Variants in PTBP1 observed in about 807,000 individuals in gnomAD.
PTBP1 encodes the protein polypyrimidine tract-binding protein 1.
A neutral mutation model predicts 59.8 loss-of-function variants in PTBP1; 8 were observed. The observed-to-expected ratio is 0.13, with a 90% CI of 0.08 to 0.24. The LOEUF is 0.24. Among genes scored for constraint, PTBP1 ranks in the 10% least tolerant of loss-of-function variants. The pLI is 1.00. For synonymous variants in PTBP1, 490 were observed against 320.7 expected, an observed-to-expected ratio of 1.53 and a Z score of -5.64; for missense variants, 686 against 767.0, an observed-to-expected ratio of 0.89 and a Z score of 1.25.
chr19:799,291 G>A, intron 1 of PTBP1, 122 bp from the exon 2 acceptor site: 2 of 890,304 alleles, frequency 2.2e-6, no homozygotes, highest in Non-Finnish European at 3.8e-6. Context: ...TGCAGCCAGA[G>A]GGAGCCCTGC....
chr19:809,539 G>A (rs1459585883), intron 13 of PTBP1, among the ~76,000 whole-genome samples: 1 of 150,834 alleles, frequency 6.6e-6, no homozygotes, highest in Non-Finnish European at 1.5e-5. Context: ...CCAGGATGGT[G>A]TCGATCTCCT....
chr19:810,646 G>A (rs377667651), intron 14 of PTBP1, 26 bp downstream of exon 14: 61 of 1,612,196 alleles, frequency 3.8e-5, no homozygotes, highest in Non-Finnish European at 1.1e-5. Context: ...GCTGTCCCTG[G>A]CTCTCCCCAG....
chr19:805,007 C>T lies in PTBP1; in HGVS notation c.718-6C>T, dbSNP rs2034498039. ...CGGCGACGTCTCACGGTCCCTCTCCCCTCAGTCGCTGGACGGGCAGAACAT... is the reference window on the plus strand; with the variant it reads ...CGGCGACGTCTCACGGTCCCTCTCCTCTCAGTCGCTGGACGGGCAGAACAT... On this transcript the variant is annotated splice_polypyrimidine_tract_variant and splice_region_variant and intron_variant, in intron 7 of 14. Transcript: ENST00000356948. 3 of 1,613,422 alleles carry T rather than the reference C, an allele frequency of 1.9e-6. No homozygotes were observed. The highest frequency in any genetic ancestry group is 8.5e-7 in the Non-Finnish European group (1 of 1,179,574).
At position 807,914 on chromosome 19, in the gene PTBP1, T is replaced by C; in HGVS notation, c.1153+12T>C. The stretch of plus-strand genomic sequence containing the variant: ...CTTTATTCTTTTCGGTATGTTATCG[T>C]TCACACTTTTATTACCTTGTTTTCA... On this transcript the variant is annotated intron_variant, in intron 11 of 14. Coordinates refer to ENST00000356948, the MANE Select transcript of PTBP1 (RefSeq NM_002819.5). 2.5e-6 allele frequency: 4 copies of C among 1,607,578 alleles called. No homozygotes were observed. The highest frequency in any genetic ancestry group is 3.4e-6 in the Non-Finnish European group (4 of 1,174,054).
Position 804,846 on chromosome 19 carries a change from C to T in PTBP1, c.624C>T (p.Gly208=), listed in dbSNP as rs767930749. The change falls in exon 7 of 15, where the codon GGC becomes GGT. Residue 208 remains glycine, a synonymous_variant. Coordinates refer to ENST00000356948, the MANE Select transcript of PTBP1 (RefSeq NM_002819.5). ...ACCTGCAGATTTTCTCCAAGTTCGG[C>T]ACAGTGTTGAAGATCATCACCTTCA... ...DVLHQIFSKF[G]TVLKIITFTK... 44 of 1,613,814 alleles carry T rather than the reference C, an allele frequency of 2.7e-5. No individual in the cohort carries two copies. The African/African-American group carries it at 5.9e-4, about 22-fold the overall frequency.
At chr19:803,460 T>C in intron 2 of PTBP1, 101 bp from the exon 3 acceptor site, 1 of 976,668 alleles carries the variant, frequency 1.0e-6, no homozygotes, top group Non-Finnish European at 1.6e-6. Context: ...GTTGGGGGTC[T>C]GGGACCCCAG....
In PTBP1 at chr19:811,998, A is replaced by C. The variant is rs1019592813; in HGVS notation, c.*1172A>C. The C allele has an allele frequency of 1.3e-5, 2 of 152,302 alleles. No homozygotes were observed. The highest frequency in any genetic ancestry group is 2.9e-5 in the Non-Finnish European group (2 of 68,010). 9.4% of individuals were successfully genotyped at this position (152,302 alleles called of 1,614,324 possible). ...TCTCCTAGGATCCCCTTTCCGTAAAAGCGTGTAACAAGGGTGTAAATATTT... is the reference window on the plus strand; with the variant it reads ...TCTCCTAGGATCCCCTTTCCGTAAACGCGTGTAACAAGGGTGTAAATATTT... On this transcript the variant is annotated 3_prime_UTR_variant, in exon 15 of 15. Transcript: ENST00000356948.
Position 811,310 on chromosome 19 carries a change from C to T in PTBP1, c.*484C>T, listed in dbSNP as rs1229239968. 2 of 152,728 alleles carry T rather than the reference C, an allele frequency of 1.3e-5. No homozygotes were observed. Among genetic ancestry groups the T allele is most frequent in the Non-Finnish European group, 2.9e-5 (2 of 68,370 alleles). 9.5% of individuals were successfully genotyped at this position (152,728 alleles called of 1,614,324 possible). ...GCGCGGCGGCCGCGGCTGCGACACC[C>T]CAACCCCAGCCCTCTAATCAAGTCA... is the stretch of plus-strand genomic sequence containing the variant. On this transcript the variant is annotated 3_prime_UTR_variant, in exon 15 of 15. Coordinates refer to ENST00000356948, the MANE Select transcript of PTBP1 (RefSeq NM_002819.5).
chr19:799,986 G>A (rs1188928728), intron 2 of PTBP1, among the ~76,000 whole-genome samples: 1 of 152,014 alleles, frequency 6.6e-6, no homozygotes, highest in African/African-American at 2.4e-5. Flanking sequence ...GAGTGCAGTG[G>A]TGTGATCTTG....
rs775074950 is a variant in PTBP1 at position 804,922 on chromosome 19, G to A, written c.700G>A (p.Ala234Thr). The change falls in exon 7 of 15, where the codon GCC (alanine) becomes ACC (threonine). Residue 234 changes from alanine to threonine, a missense_variant. Coordinates refer to ENST00000356948, the MANE Select transcript of PTBP1 (RefSeq NM_002819.5). ...ALLQYADPVS[A>T]QHAKLSLDGQ... Reference sequence around the variant, plus strand: ...GCTGCAGTATGCGGACCCCGTGAGCGCCCAGCACGCCAAGCTGGTGAGTGG... The same window carrying A: ...GCTGCAGTATGCGGACCCCGTGAGCACCCAGCACGCCAAGCTGGTGAGTGG... The A allele has an allele frequency of 3.7e-6, 6 of 1,613,772 alleles. No individual in the cohort carries two copies. The highest frequency in any genetic ancestry group is 4.2e-6 in the Non-Finnish European group (5 of 1,179,820).
rs896464573 is a variant in PTBP1, at chr19:812,111, C to G, written c.*1285C>G. 1 of 152,400 alleles carries G rather than the reference C, an allele frequency of 6.6e-6. No individual in the cohort carries two copies. Among genetic ancestry groups the G allele is most frequent in the Non-Finnish European group, 1.5e-5 (1 of 68,024 alleles). The allele number at this position is 152,400 out of a possible 1,614,324, so 9.4% of individuals were successfully genotyped here. On this transcript the variant is annotated 3_prime_UTR_variant, in exon 15 of 15. Coordinates refer to ENST00000356948, the MANE Select transcript of PTBP1 (RefSeq NM_002819.5). ...AATGTATATTTTGCTAACAGCAATTCCAGGCTCAGTATTGTGACCGCGGAG... is the reference window on the plus strand; with the variant it reads ...AATGTATATTTTGCTAACAGCAATTGCAGGCTCAGTATTGTGACCGCGGAG...
intron 9 of PTBP1, chr19:806,041 G>T: frequency 4.2e-6 from 1 of 240,226 alleles, no homozygotes; most frequent in African/African-American, 2.3e-5. Context: ...GCCGCCCGGC[G>T]GCCGCCTCGT....
Position 808,506 on chromosome 19 carries a change from C to T in PTBP1, c.1247-40C>T. 1.3e-6 allele frequency: 2 copies of T among 1,558,200 alleles called. No individual in the cohort carries two copies. Among genetic ancestry groups the T allele is most frequent in the South Asian group, 1.2e-5 (1 of 84,940 alleles). ...AGGGGGCAGGGGCGGGGGCTGCGTT[C>T]CCTCTCGGGCGCCTGGTCACGCGGG... On this transcript the variant is annotated intron_variant, in intron 12 of 14. Coordinates refer to ENST00000356948, the MANE Select transcript of PTBP1 (RefSeq NM_002819.5). The surrounding 1 kb of genome is among the most constrained non-coding windows in gnomAD (Gnocchi z 4.7).
chr19:803,977 A>AC, intron 3 of PTBP1, 59 bp from the exon 4 acceptor site: 1 of 1,594,982 alleles, frequency 6.3e-7, no homozygotes, highest in Non-Finnish European at 8.6e-7. Context: ...GATAGCAGGG[A>AC]CCTTCCTCTG....
At chr19:800,089 G>C (rs1401486676) in intron 2 of PTBP1, among the ~76,000 whole-genome samples, 1 of 131,686 alleles carries the variant, frequency 7.6e-6, no homozygotes, top group African/African-American at 2.9e-5. Context: ...ACCATGCCCA[G>C]CTAATTTTTG....
In PTBP1 at chr19:808,776, C is replaced by CGG. The variant is rs762501182; in HGVS notation, c.1463+19_1463+20dup. ...CTCCAACATCCCGTGAGTGCTGGGC[C>CGG]GGGGGGCTCATGGGGCCGGGGGCGG... On this transcript the variant is annotated intron_variant, in intron 13 of 14. Transcript: ENST00000356948. The surrounding 1 kb of genome is among the most constrained non-coding windows in gnomAD (Gnocchi z 4.7). The CGG allele has an allele frequency of 1.3e-6, 2 of 1,542,138 alleles. No homozygotes were observed. The highest frequency in any genetic ancestry group is 1.8e-6 in the Non-Finnish European group (2 of 1,123,260).
chr19:798,960 C>T (rs963206373), intron 1 of PTBP1, among the ~76,000 whole-genome samples: 8 of 152,248 alleles, frequency 5.3e-5, no homozygotes, highest in African/African-American at 1.7e-4. Flanking sequence ...TGAGAGGCAC[C>T]CTCTTGGGGG....
chr19:811,216 A>G lies in PTBP1; in HGVS notation c.*390A>G, dbSNP rs71335272. 6.4e-3 allele frequency: 1,017 copies of G among 159,998 alleles called. 11 individuals are homozygous for G. Among genetic ancestry groups the G allele is most frequent in the Non-Finnish European group, 0.01 (742 of 73,248 alleles). The allele number at this position is 159,998 out of a possible 1,614,324, so 9.9% of individuals were successfully genotyped here. A position where few individuals can be genotyped will look rare whatever the true frequency, so the allele number is the denominator to read the frequency against. ...CCACCCGGGGTGTCCTGGGGACCCA[A>G]GGGGTGGGGGGGTCACACCAGAGAG... On this transcript the variant is annotated 3_prime_UTR_variant, in exon 15 of 15. Coordinates refer to ENST00000356948, the MANE Select transcript of PTBP1 (RefSeq NM_002819.5).
intron 1 of PTBP1, among the ~76,000 whole-genome samples, chr19:797,784 C>A (rs1356150557): frequency 6.7e-6 from 1 of 148,368 alleles, no homozygotes; most frequent in Non-Finnish European, 1.5e-5. Flanking sequence ...CCTCCGCGCG[C>A]GTCCCCGCAC....
Sources: allele counts gnomAD v4.1 joint callset (sites outside exome capture counted in the v4.1 genomes callset), GRCh38; gene constraint gnomAD v4.1.1; non-coding constraint Gnocchi (gnomAD v3.1); transcripts MANE v1.5; gene names NCBI Gene and HGNC (gene_info 2026-07-23, HGNC 2026-07-21).